DSCAM: variants seen among roughly 807,000 people sequenced by gnomAD.
DSCAM encodes cell adhesion molecule DSCAM.
Under a neutral mutation model 217.7 loss-of-function variants are expected in DSCAM, and 47 were observed. The ratio of observed to expected loss-of-function variants is 0.22; its 90% CI spans 0.17 to 0.28. The LOEUF is 0.28. Ranked by LOEUF, DSCAM falls within the 10% of genes least tolerant of loss-of-function variation. DSCAM has a pLI of 1.00. For missense variants in DSCAM, 2,080 were observed against 2,618.3 expected, an observed-to-expected ratio of 0.79 and a Z score of 4.49; for synonymous variants, 1,056 against 1,015.3, an observed-to-expected ratio of 1.04 and a Z score of -0.76.
chr21:40,545,445 C>A (rs1568893761), intron 3 of DSCAM, among the ~76,000 whole-genome samples: 1 of 152,158 alleles, frequency 6.6e-6, no homozygotes, highest in Non-Finnish European at 1.5e-5. Flanking sequence ...ACTCTTCCAG[C>A]ACGTTAAACA....
intron 21 of DSCAM, among the ~76,000 whole-genome samples, chr21:40,091,459 T>A (rs1024371502): frequency 2.6e-5 from 4 of 152,058 alleles, no homozygotes; most frequent in African/African-American, 9.7e-5. Context: ...GACTGCTCAC[T>A]TCTTCTCTCT....
chr21:40,243,894 G>A (rs896292964), intron 11 of DSCAM, among the ~76,000 whole-genome samples: 5 of 152,194 alleles, frequency 3.3e-5, no homozygotes, highest in African/African-American at 7.2e-5. Context: ...GCATCAGAGG[G>A]AGGGACCTCT....
At position 40,321,373 on chromosome 21, in the gene DSCAM, T is replaced by A. The variant is rs373640175; in HGVS notation, c.1784-9014A>T. Among the ~76,000 whole-genome samples the A allele has an allele frequency of 4.5e-4, 68 of 152,346 alleles. No homozygotes were observed. In the South Asian group the frequency reaches 5.2e-3, roughly 12 times the overall value. On this transcript the variant is annotated intron_variant, in intron 8 of 32. Transcript: ENST00000400454. The stretch of plus-strand genomic sequence containing the variant: ...CCAAACATAGCAAGTTTCCCCTTAA[T>A]CTAAGCTTCTTCAATTCTCTGTTCT...
chr21:40,591,755 C>A (rs781595675), intron 3 of DSCAM, among the ~76,000 whole-genome samples: 7 of 152,090 alleles, frequency 4.6e-5, no homozygotes, highest in Non-Finnish European at 8.8e-5. Context: ...CACTTCAATC[C>A]CTTAACCATA....
chr21:40,030,982 C>T (rs1239173549), intron 32 of DSCAM, among the ~76,000 whole-genome samples: 4 of 152,208 alleles, frequency 2.6e-5, no homozygotes, highest in Non-Finnish European at 5.9e-5. Flanking sequence ...CCCTGTACCT[C>T]TGACCTTGTC....
intron 9 of DSCAM, among the ~76,000 whole-genome samples, chr21:40,306,779 C>A (rs547591894): frequency 6.6e-6 from 1 of 151,966 alleles, no homozygotes; most frequent in South Asian, 2.1e-4. Context: ...GCCTTGCATC[C>A]CAGGGATGAA....
chr21:40,600,317 T>C (rs1426287696), intron 3 of DSCAM, among the ~76,000 whole-genome samples: 6 of 152,086 alleles, frequency 3.9e-5, no homozygotes, highest in Non-Finnish European at 8.8e-5. Flanking sequence ...TGCTGTCTTG[T>C]GTGGAGCTGC....
chr21:40,288,934 C>CTTA (rs1263886795), intron 10 of DSCAM, among the ~76,000 whole-genome samples: 1 of 152,182 alleles, frequency 6.6e-6, no homozygotes, highest in Non-Finnish European at 1.5e-5. Flanking sequence ...GGGGTTTGAA[C>CTTA]TTATAGCCCA....
chr21:40,233,087 T>C (rs1445951105), intron 11 of DSCAM, among the ~76,000 whole-genome samples: 3 of 152,178 alleles, frequency 2.0e-5, no homozygotes, highest in Non-Finnish European at 1.5e-5. Context: ...TTATGCTTAT[T>C]ATCTGGGTGA....
At chr21:40,305,937 T>C (rs1331650241) in intron 9 of DSCAM, among the ~76,000 whole-genome samples, 1 of 152,148 alleles carries the variant, frequency 6.6e-6, no homozygotes, top group Non-Finnish European at 1.5e-5. Context: ...TCTTTTTTTG[T>C]GCCACATGAA....
chr21:40,481,324 CTAAGAA>C (rs759962810), intron 3 of DSCAM, among the ~76,000 whole-genome samples: 12 of 151,888 alleles, frequency 7.9e-5, no homozygotes, highest in African/African-American at 1.2e-4. Flanking sequence ...CCCGTCTCTA[CTAAGAA>C]TACAAAAAAA....
intron 3 of DSCAM, among the ~76,000 whole-genome samples, chr21:40,423,190 T>C (rs1343433686): frequency 6.6e-6 from 1 of 152,224 alleles, no homozygotes; most frequent in Non-Finnish European, 1.5e-5. Flanking sequence ...TGCCAGGCAG[T>C]GGCATATGCG....
chr21:40,013,272 C>T lies in DSCAM; in HGVS notation c.5801G>A (p.Ser1934Asn). 1 of 1,613,836 alleles carries T rather than the reference C, an allele frequency of 6.2e-7. No individual in the cohort carries two copies. Residue 1934 changes from serine to asparagine, a missense_variant, in exon 33 of 33, where the codon AGC becomes AAC. Ser to Asn is a conservative substitution (Grantham distance 46). Around this residue, in one of 5 missense-constraint regions of DSCAM, gnomAD observed 145 missense variants for 138.5 expected, o/e 1.05. Transcript: ENST00000400454. ...LGQACLEPQK[S>N]RTLKRPTVLE... ...GACCGTGGGGCGCTTCAGGGTCCGG[C>T]TTTTCTGAGGTTCCAAGCATGCTTG... is the stretch of plus-strand genomic sequence containing the variant.
At chr21:40,394,151 A>G (rs974556416) in intron 3 of DSCAM, among the ~76,000 whole-genome samples, 2 of 152,250 alleles carry the variant, frequency 1.3e-5, no homozygotes, top group African/African-American at 4.8e-5. Flanking sequence ...GGGTCTAAAT[A>G]CAGCAGTGAA....
intron 3 of DSCAM, among the ~76,000 whole-genome samples, chr21:40,581,616 T>C (rs769025007): frequency 1.3e-5 from 2 of 152,158 alleles, no homozygotes; most frequent in East Asian, 3.9e-4. Flanking sequence ...GAGGTCAGCA[T>C]TGACATTTTT....
At chr21:40,209,454 G>A (rs150568864) in intron 11 of DSCAM, among the ~76,000 whole-genome samples, 27 of 152,198 alleles carry the variant, frequency 1.8e-4, no homozygotes, top group African/African-American at 6.5e-4. Context: ...TTGCTGATCT[G>A]ACCTGCTTGG....
At chr21:40,557,291 G>C (rs551192191) in intron 3 of DSCAM, among the ~76,000 whole-genome samples, 1 of 151,972 alleles carries the variant, frequency 6.6e-6, no homozygotes, top group Non-Finnish European at 1.5e-5. Context: ...CCCTTCTCTC[G>C]GGAATTAATT....
chr21:40,377,911 C>T (rs1490833731), intron 3 of DSCAM, among the ~76,000 whole-genome samples: 1 of 152,114 alleles, frequency 6.6e-6, no homozygotes, highest in African/African-American at 2.4e-5. Flanking sequence ...GGCAATATTG[C>T]CTTTTTGGGA....
intron 1 of DSCAM, among the ~76,000 whole-genome samples, chr21:40,710,787 A>G (rs1035145150): frequency 6.6e-6 from 1 of 152,250 alleles, no homozygotes; most frequent in Non-Finnish European, 1.5e-5. Context: ...GAGCTTCTCC[A>G]TGACTTTCTA....
Sources: allele counts gnomAD v4.1 joint callset (sites outside exome capture counted in the v4.1 genomes callset), GRCh38; gene constraint gnomAD v4.1.1; regional missense constraint gnomAD v4.1.1; transcripts MANE v1.5; gene names NCBI Gene and HGNC (gene_info 2026-07-23, HGNC 2026-07-21).